METTL15: variants seen among roughly 807,000 people sequenced by gnomAD.
METTL15 encodes the protein 12S rRNA N(4)-cytidine methyltransferase METTL15.
A neutral mutation model predicts 38.3 loss-of-function variants in METTL15; 34 were observed. That is an observed-to-expected ratio of 0.89 (90% confidence interval 0.68 to 1.18). The LOEUF (loss-of-function observed/expected upper bound fraction) is 1.18. Ranked by LOEUF, METTL15 falls within the 50% of genes most tolerant of loss-of-function variation. The pLI, the probability that METTL15 is intolerant of heterozygous loss-of-function variation, is 0.00. For synonymous variants in METTL15, 162 were observed against 170.9 expected (o/e 0.95, Z 0.41); for missense variants, 438 against 498.4 (o/e 0.88, Z 1.15).
chr11:28,116,312 G>C (rs1287454291), intron 3 of METTL15, among the ~76,000 whole-genome samples: 1 of 152,076 alleles, frequency 6.6e-6, no homozygotes, highest in Non-Finnish European at 1.5e-5. Context: ...AAGTATTGTA[G>C]ATTGTCTTCA....
chr11:28,397,811 T>G (rs981349022), intron 5 of METTL15, among the ~76,000 whole-genome samples: 1 of 152,170 alleles, frequency 6.6e-6, no homozygotes, highest in Admixed American at 6.6e-5. Context: ...GTGGCACTAT[T>G]CACAATAGCA....
At chr11:28,452,153 G>A (rs984510940) in intron 6 of METTL15, among the ~76,000 whole-genome samples, 1 of 152,204 alleles carries the variant, frequency 6.6e-6, no homozygotes, top group African/African-American at 2.4e-5. Context: ...AGGAGAGAAA[G>A]CAAACATTTT....
chr11:28,510,444 G>T (rs1438381803), intron 6 of METTL15, among the ~76,000 whole-genome samples: 1 of 152,114 alleles, frequency 6.6e-6, no homozygotes, highest in Non-Finnish European at 1.5e-5. Context: ...TGTAGCTAAT[G>T]TCCAATAGTG....
intron 3 of METTL15, among the ~76,000 whole-genome samples, chr11:28,187,567 T>A (rs1851544730): frequency 6.7e-6 from 1 of 150,292 alleles, no homozygotes; most frequent in Non-Finnish European, 1.5e-5. Context: ...CATCTTATAT[T>A]AAAATAATAG....
At chr11:28,437,868 G>T (rs1385026744) in intron 6 of METTL15, among the ~76,000 whole-genome samples, 1 of 152,182 alleles carries the variant, frequency 6.6e-6, no homozygotes, top group Non-Finnish European at 1.5e-5. Context: ...TACATTTGTT[G>T]AATGAATAAA....
chr11:28,496,010 A>G (rs983748247), intron 6 of METTL15, among the ~76,000 whole-genome samples: 19 of 152,190 alleles, frequency 1.2e-4, no homozygotes, highest in African/African-American at 4.6e-4. Flanking sequence ...TTTTAGTGTT[A>G]CCTAGTGATG....
At chr11:28,158,939 T>C (rs1370883785) in intron 3 of METTL15, among the ~76,000 whole-genome samples, 1 of 152,118 alleles carries the variant, frequency 6.6e-6, no homozygotes, top group Non-Finnish European at 1.5e-5. Flanking sequence ...CAATATATGG[T>C]ACTGTTTCTC....
chr11:28,520,104 C>T (rs922994861), intron 6 of METTL15, among the ~76,000 whole-genome samples: 3 of 152,174 alleles, frequency 2.0e-5, no homozygotes, highest in Non-Finnish European at 4.4e-5. Context: ...CTTTGGGAAG[C>T]TGAGGCAGGT....
chr11:28,283,522 A>G (rs1437893745), intron 4 of METTL15, among the ~76,000 whole-genome samples: 1 of 152,206 alleles, frequency 6.6e-6, no homozygotes, highest in Non-Finnish European at 1.5e-5. Context: ...TCCATGTTCA[A>G]TTCTAATAAG....
intron 6 of METTL15, among the ~76,000 whole-genome samples, chr11:28,504,500 T>G (rs998202474): frequency 6.6e-6 from 1 of 152,194 alleles, no homozygotes; most frequent in African/African-American, 2.4e-5. Context: ...AATTTCAAGA[T>G]GTTAAAGAAA....
intron 6 of METTL15, among the ~76,000 whole-genome samples, chr11:28,322,358 G>A (rs1046183681): frequency 2.0e-5 from 3 of 152,036 alleles, no homozygotes; most frequent in Non-Finnish European, 2.9e-5. Flanking sequence ...AATGGATAAA[G>A]GATTTGTTCA....
At chr11:28,183,427 G>A (rs1475096141) in intron 3 of METTL15, among the ~76,000 whole-genome samples, 6 of 152,048 alleles carry the variant, frequency 3.9e-5, no homozygotes, top group African/African-American at 7.2e-5. Context: ...TTTGAGGTAC[G>A]TCCCTTAGAT....
chr11:28,158,726 T>G (rs1331982385), intron 3 of METTL15, among the ~76,000 whole-genome samples: 1 of 152,330 alleles, frequency 6.6e-6, no homozygotes, highest in Non-Finnish European at 1.5e-5. Flanking sequence ...GCACTCACTT[T>G]ATGGCTTAAG....
chr11:28,446,806 T>G (rs1851079267), intron 6 of METTL15, among the ~76,000 whole-genome samples: 1 of 151,926 alleles, frequency 6.6e-6, no homozygotes, highest in African/African-American at 2.4e-5. Context: ...AAGAAGAAAA[T>G]TTCTTCTCCT....
At chr11:28,300,974 G>A (rs1384190988) in intron 6 of METTL15, among the ~76,000 whole-genome samples, 1 of 152,048 alleles carries the variant, frequency 6.6e-6, no homozygotes, top group African/African-American at 2.4e-5. Flanking sequence ...ACTCCCCATT[G>A]TATTCCGGTG....
chr11:28,417,375 A>G (rs1044584237), intron 5 of METTL15, among the ~76,000 whole-genome samples: 4 of 152,164 alleles, frequency 2.6e-5, no homozygotes, highest in Non-Finnish European at 5.9e-5. Flanking sequence ...GTCCCAATCT[A>G]TTGTCTTTGT....
At chr11:28,367,638 C>T (rs1369132814) in intron 5 of METTL15, among the ~76,000 whole-genome samples, 1 of 152,066 alleles carries the variant, frequency 6.6e-6, no homozygotes, top group African/African-American at 2.4e-5. Context: ...CCTGCATAGC[C>T]AAAATAATCC....
rs1448657888 is a variant in METTL15, at chr11:28,429,449, G to A, written c.*424+5085G>A. On this transcript the variant is annotated intron_variant and NMD_transcript_variant, in intron 6 of 7. Coordinates refer to the METTL15 transcript ENST00000532947. The stretch of plus-strand genomic sequence containing the variant: ...GCTGGACTGTACTGCTGCCATCTCG[G>A]CTCACTGCAACCTCCCTGCCTGATT... 7.1e-4 allele frequency among the ~76,000 whole-genome samples: 85 copies of A among 119,708 alleles called. 1 individual carries two copies. Among genetic ancestry groups the A allele is most frequent in the Non-Finnish European group, 9.3e-4 (56 of 60,180 alleles). 78.5% of individuals were successfully genotyped at this position (119,708 alleles called of 152,430 possible).
intron 6 of METTL15, among the ~76,000 whole-genome samples, chr11:28,324,769 C>A (rs1350189631): frequency 1.3e-5 from 2 of 152,186 alleles, no homozygotes; most frequent in Admixed American, 1.3e-4. Flanking sequence ...TAGACCCACG[C>A]TGTCAGGTTC....
Sources: gnomAD v4.1 joint callset for allele counts (sites outside exome capture counted in the v4.1 genomes callset) on GRCh38, gnomAD v4.1.1 for gene constraint, MANE v1.5 for transcripts, NCBI Gene and HGNC (gene_info 2026-07-23, HGNC 2026-07-21) for gene names.